The following GIT1 variants were observed in gnomAD, a reference collection of about 807,000 sequenced individuals.
GIT1 encodes the protein GIT ArfGAP 1, also known as ARF GTPase-activating protein GIT1.
In GIT1, 14 loss-of-function variants were observed where a neutral mutation model predicts 91.7. The observed-to-expected ratio is 0.15, with a 90% CI of 0.10 to 0.24. The LOEUF is 0.24. Among genes scored for constraint, GIT1 ranks in the 10% least tolerant of loss-of-function variants. The pLI, the probability that GIT1 is intolerant of heterozygous loss-of-function variation, is 1.00. For missense variants in GIT1, 717 were observed against 1,024.9 expected, an observed-to-expected ratio of 0.70 and a Z score of 4.10; for synonymous variants, 414 against 418.2, an observed-to-expected ratio of 0.99 and a Z score of 0.12.
At chr17:29,586,208 G>A (rs1389478252) in intron 1 of GIT1, among the ~76,000 whole-genome samples, 1 of 152,234 alleles carries the variant, frequency 6.6e-6, no homozygotes, top group Non-Finnish European at 1.5e-5. Context: ...TAACATGCTT[G>A]TCTAACCTGC....
chr17:29,581,162 A>G lies in GIT1; in HGVS notation c.761+176T>C, dbSNP rs953706246. On this transcript the variant is annotated intron_variant, in intron 7 of 19. Coordinates refer to ENST00000225394, the MANE Select transcript of GIT1 (RefSeq NM_014030.4). The surrounding 1 kb of genome is among the most constrained non-coding windows in gnomAD (Gnocchi z 4.8). ...TATGCGGGCCACATATGGAGCTGAC[A>G]TTTTTTACCTGCCTTGGGGCCCAGC... 1.6e-5 allele frequency: 10 copies of G among 626,192 alleles called. No homozygotes were observed. Among genetic ancestry groups the G allele is most frequent in the Non-Finnish European group, 2.6e-5 (9 of 347,388 alleles). 38.8% of individuals were successfully genotyped at this position (626,192 alleles called of 1,614,324 possible).
chr17:29,588,961 A>C (rs1598584832), intron 1 of GIT1, among the ~76,000 whole-genome samples: 4 of 151,552 alleles, frequency 2.6e-5, no homozygotes. Flanking sequence ...ACTCGCCCCC[A>C]CCTCCCAAGC....
chr17:29,575,139 G>A lies in GIT1; in HGVS notation c.2013C>T (p.Phe671=), dbSNP rs745617945. Residue 671 remains phenylalanine, a synonymous_variant, in exon 19 of 20, where the codon TTC becomes TTT. Coordinates refer to ENST00000225394, the MANE Select transcript of GIT1 (RefSeq NM_014030.4). This position sits in a 1 kb window ranked among gnomAD's most constrained non-coding sequence, Gnocchi z 5.5. Reference sequence around the variant, plus strand: ...AATGGATCTTCTCTGAGCAGGGCACGAAGCTGCGGGGAGAAGGGAGGCTAT... The same window carrying A: ...AATGGATCTTCTCTGAGCAGGGCACAAAGCTGCGGGGAGAAGGGAGGCTAT... ...RAAQEFKHDS[F]VPCSEKIHLA... 5 of 1,597,672 alleles carry A rather than the reference G, an allele frequency of 3.1e-6. No individual in the cohort carries two copies. The highest frequency in any genetic ancestry group is 3.4e-6 in the Non-Finnish European group (4 of 1,168,730).
In GIT1 at chr17:29,581,368, C is replaced by T. The variant is rs761142321; in HGVS notation, c.731G>A (p.Gly244Glu). Residue 244 changes from glycine to glutamate, a missense_variant, in exon 7 of 20, where the codon GGG becomes GAG. By Grantham distance (98) the Gly-to-Glu change is moderately conservative. This residue lies in a region of GIT1 where 271 missense variants were observed against 451.6 expected (regional missense o/e 0.60). Transcript: ENST00000225394. This position sits in a 1 kb window ranked among gnomAD's most constrained non-coding sequence, Gnocchi z 4.8. ...LCGRKPDHKN[G>E]HYIIPQMADS... ...AGCCATCTGTGGGATGATGTAATGC[C>T]CATTCTTGTGATCTGAACAAAAATA... The T allele has an allele frequency of 1.2e-6, 2 of 1,612,680 alleles. No individual in the cohort carries two copies. Among genetic ancestry groups the T allele is most frequent in the East Asian group, 2.2e-5 (1 of 44,864 alleles).
chr17:29,574,065 A>G lies in GIT1; in HGVS notation c.*637T>C, dbSNP rs530711356. 6.6e-6 allele frequency: 1 copy of G among 152,150 alleles called. No individual in the cohort carries two copies. The highest frequency in any genetic ancestry group is 2.4e-5 in the African/African-American group (1 of 41,352). 9.4% of individuals were successfully genotyped at this position (152,150 alleles called of 1,614,324 possible). A position where few individuals can be genotyped will look rare whatever the true frequency, so the allele number is the denominator to read the frequency against. ...CGGCACTGCCGCCCACACACTCAACACGCAGGCACGCGGGGGCACTCAGTT... is the reference window on the plus strand; with the variant it reads ...CGGCACTGCCGCCCACACACTCAACGCGCAGGCACGCGGGGGCACTCAGTT... On this transcript the variant is annotated 3_prime_UTR_variant, in exon 20 of 20. Transcript: ENST00000225394.
In GIT1 at chr17:29,582,074, G is replaced by A; in HGVS notation, c.476C>T (p.Ala159Val). ...GCCCTTCTCTGGGTGGAAGAAGTTG[G>A]CCTGGGCACCCAGGGAGAGCAGGCG... ...CLRLLSLGAQ[A>V]NFFHPEKGTT... Residue 159 changes from alanine to valine, a missense_variant, in exon 5 of 20, where the codon GCC (alanine) becomes GTC (valine). Physicochemically the swap from Ala to Val is moderately conservative, Grantham distance 64. Around this residue, in one of 3 missense-constraint regions of GIT1, gnomAD observed 271 missense variants for 451.6 expected, o/e 0.60. Coordinates refer to ENST00000225394, the MANE Select transcript of GIT1 (RefSeq NM_014030.4). The A allele has an allele frequency of 6.2e-7, 1 of 1,608,444 alleles. No individual in the cohort carries two copies. Among genetic ancestry groups the A allele is most frequent in the Non-Finnish European group, 8.5e-7 (1 of 1,179,862 alleles).
In GIT1 at chr17:29,574,296, C is replaced by T; in HGVS notation, c.*406G>A. 4.2e-6 allele frequency: 1 copy of T among 237,070 alleles called. No individual in the cohort carries two copies. Among genetic ancestry groups the T allele is most frequent in the Non-Finnish European group, 8.4e-6 (1 of 118,832 alleles). The allele number at this position is 237,070 out of a possible 1,614,324, so 14.7% of individuals were successfully genotyped here. A position where few individuals can be genotyped will look rare whatever the true frequency, so the allele number is the denominator to read the frequency against. ...GACTATGTACAAAGGAGGGGATGCCCCCGCTCAGCCCCCAGTAGGGCTGAA... is the reference window on the plus strand; with the variant it reads ...GACTATGTACAAAGGAGGGGATGCCTCCGCTCAGCCCCCAGTAGGGCTGAA... On this transcript the variant is annotated 3_prime_UTR_variant, in exon 20 of 20. Transcript: ENST00000225394.
Position 29,575,269 on chromosome 17 carries a change from C to G in GIT1, c.2009+19G>C, listed in dbSNP as rs768890171. ...CCAACAGGAACTGCATCCCCCTCAC[C>G]TCCCCCTCCACTCAGTACCTGTCAT... On this transcript the variant is annotated intron_variant, in intron 18 of 19. Transcript: ENST00000225394. The surrounding 1 kb of genome is among the most constrained non-coding windows in gnomAD (Gnocchi z 5.5). 1.9e-6 allele frequency: 3 copies of G among 1,599,952 alleles called. No homozygotes were observed. In the South Asian group the frequency reaches 3.3e-5, roughly 18 times the overall value.
At chr17:29,578,226 C>G in intron 9 of GIT1, 73 bp downstream of exon 9, 1 of 1,235,436 alleles carries the variant, frequency 8.1e-7, no homozygotes, top group South Asian at 1.2e-5. Flanking sequence ...CTTCTTAGCC[C>G]AGTAAAGGAC....
Position 29,575,553 on chromosome 17 carries a change from C to T in GIT1, c.1826+77G>A. On this transcript the variant is annotated intron_variant, in intron 17 of 19. Coordinates refer to ENST00000225394, the MANE Select transcript of GIT1 (RefSeq NM_014030.4). The surrounding 1 kb of genome is among the most constrained non-coding windows in gnomAD (Gnocchi z 5.5). Reference sequence around the variant, plus strand: ...AGCCTCGGAGCCGCCCGCCTTGGTCCTCACACACTGGGGGCCCTCTCAACC... The same window carrying T: ...AGCCTCGGAGCCGCCCGCCTTGGTCTTCACACACTGGGGGCCCTCTCAACC... 2 of 1,562,530 alleles carry T rather than the reference C, an allele frequency of 1.3e-6. No individual in the cohort carries two copies. The highest frequency in any genetic ancestry group is 1.1e-5 in the South Asian group (1 of 88,692).
chr17:29,589,411 C>T lies in GIT1; in HGVS notation c.-33G>A, dbSNP rs1445761335. The T allele has an allele frequency of 1.0e-6, 1 of 963,424 alleles. No homozygotes were observed. Among genetic ancestry groups the T allele is most frequent in the South Asian group, 4.5e-5 (1 of 22,344 alleles). 59.7% of individuals were successfully genotyped at this position (963,424 alleles called of 1,614,324 possible). The stretch of plus-strand genomic sequence containing the variant: ...GGCGACGCGGCCGCAGCCCTCTGGG[C>T]CAGCGTGGGGGGCGCGGGCGGCGGG... On this transcript the variant is annotated 5_prime_UTR_variant, in exon 1 of 20. Coordinates refer to ENST00000225394, the MANE Select transcript of GIT1 (RefSeq NM_014030.4). The surrounding 1 kb of genome is among the most constrained non-coding windows in gnomAD (Gnocchi z 5.2).
intron 9 of GIT1, among the ~76,000 whole-genome samples, chr17:29,578,019 G>C (rs1441120697): frequency 6.6e-6 from 1 of 152,208 alleles, no homozygotes; most frequent in Non-Finnish European, 1.5e-5. Context: ...GTGATGCAGG[G>C]GGGTGGAGCG....
intron 8 of GIT1, 68 bp from the exon 9 acceptor site, chr17:29,578,439 G>T: frequency 7.0e-7 from 1 of 1,431,636 alleles, no homozygotes; most frequent in Non-Finnish European, 9.9e-7. Context: ...CAGCTCCCCA[G>T]CATGTTGTGA....
chr17:29,583,615 G>T lies in GIT1; in HGVS notation c.54C>A (p.Asp18Glu), dbSNP rs1201104411. Residue 18 changes from aspartate (D) to glutamate (E), a missense_variant and splice_region_variant, in exon 2 of 20, where the codon GAC (aspartate) becomes GAA (glutamate). Physicochemically the swap from Asp to Glu is conservative, Grantham distance 45. This residue lies in a region of GIT1 where 271 missense variants were observed against 451.6 expected (regional missense o/e 0.60). Coordinates refer to ENST00000225394, the MANE Select transcript of GIT1 (RefSeq NM_014030.4). ...CCCTGCTGATGGATGCCCAGCCAGG[G>T]TCTGCCAGGGTGAGGGCAAGGGTCA... ...AEVCADCSAP[D>E]PGWASISRGV... 4 of 1,584,834 alleles carry T rather than the reference G, an allele frequency of 2.5e-6. No individual in the cohort carries two copies. Among genetic ancestry groups the T allele is most frequent in the East Asian group, 4.6e-5 (2 of 43,574 alleles).
At position 29,577,215 on chromosome 17, in the gene GIT1, T is replaced by G; in HGVS notation, c.1014A>C (p.Arg338=). The G allele has an allele frequency of 6.2e-7, 1 of 1,613,890 alleles. No individual in the cohort carries two copies. The highest frequency in any genetic ancestry group is 8.5e-7 in the Non-Finnish European group (1 of 1,180,002). Reference sequence around the variant, plus strand: ...TGTCGATGATCAAGGTGGCAAACTCTCGGGCATTAAAGCGGGCCAGCTTTT... The same window carrying G: ...TGTCGATGATCAAGGTGGCAAACTCGCGGGCATTAAAGCGGGCCAGCTTTT... ...GRQKLARFNA[R]EFATLIIDIL... The change falls in exon 11 of 20, where the codon CGA becomes CGC. Residue 338 remains arginine (R), a synonymous_variant. Transcript: ENST00000225394.
Position 29,575,701 on chromosome 17 carries a change from G to A in GIT1, c.1755C>T (p.Ser585=). The change falls in exon 17 of 20, where the codon AGC becomes AGT. Residue 585 remains serine (S), a splice_region_variant and synonymous_variant. Transcript: ENST00000225394. This position sits in a 1 kb window ranked among gnomAD's most constrained non-coding sequence, Gnocchi z 5.5. The stretch of plus-strand genomic sequence containing the variant: ...CTCCACTGCCGTGGCGGGAAAGCTT[G>A]CTCTGGAGGGCGGAGGGAAGGGGCT... The part of the protein sequence containing the change: ...SCSQEGSRHT[S]KLSRHGSGAD... The A allele has an allele frequency of 6.2e-7, 1 of 1,612,328 alleles. No individual in the cohort carries two copies. The highest frequency in any genetic ancestry group is 8.5e-7 in the Non-Finnish European group (1 of 1,179,932).
chr17:29,573,610 T>G lies in GIT1; in HGVS notation c.*1092A>C, dbSNP rs1235755113. 1 of 152,506 alleles carries G rather than the reference T, an allele frequency of 6.6e-6. No homozygotes were observed. Among genetic ancestry groups the G allele is most frequent in the Non-Finnish European group, 1.5e-5 (1 of 68,122 alleles). 9.4% of individuals were successfully genotyped at this position (152,506 alleles called of 1,614,324 possible). On this transcript the variant is annotated 3_prime_UTR_variant, in exon 20 of 20. Coordinates refer to ENST00000225394, the MANE Select transcript of GIT1 (RefSeq NM_014030.4). ...GAGCTGGTGGGTCCCACCGTCTGCC[T>G]CTCCAGCCTTCCCAGGCTGCAGCCA...
rs1347089019 is a variant in GIT1, at chr17:29,574,177, C to T, written c.*525G>A. The T allele has an allele frequency of 6.6e-6, 1 of 150,936 alleles. No individual in the cohort carries two copies. Among genetic ancestry groups the T allele is most frequent in the Non-Finnish European group, 1.5e-5 (1 of 68,134 alleles). The allele number at this position is 150,936 out of a possible 1,614,324, so 9.3% of individuals were successfully genotyped here. A position where few individuals can be genotyped will look rare whatever the true frequency, so the allele number is the denominator to read the frequency against. On this transcript the variant is annotated 3_prime_UTR_variant, in exon 20 of 20. Coordinates refer to ENST00000225394, the MANE Select transcript of GIT1 (RefSeq NM_014030.4). ...GTGTTTGCTGCTGGGGACCCCAGCA[C>T]ACAGGTTGGGGCCTGTGCCCTAGGC...
In GIT1 at chr17:29,575,811, C is replaced by T. The variant is rs1286992802; in HGVS notation, c.1752+1G>A. ...GTGGGCACTGGGCATGGAAACATTA[C>T]CGTGTGGCGGCTTCCCTCCTGGGAG... On this transcript the variant is annotated splice_donor_variant, in intron 16 of 19. Transcript: ENST00000225394. LOFTEE classifies it high-confidence loss of function. This position sits in a 1 kb window ranked among gnomAD's most constrained non-coding sequence, Gnocchi z 5.5. The T allele has an allele frequency of 6.2e-7, 1 of 1,613,228 alleles. No individual in the cohort carries two copies.
Sources: gnomAD v4.1 joint callset for allele counts (sites outside exome capture counted in the v4.1 genomes callset) on GRCh38, gnomAD v4.1.1 for gene constraint, gnomAD v4.1.1 regional missense constraint, Gnocchi (gnomAD v3.1) non-coding constraint, MANE v1.5 for transcripts, NCBI Gene and HGNC (gene_info 2026-07-23, HGNC 2026-07-21) for gene names.